SYNE2: variants seen among roughly 807,000 people sequenced by gnomAD.
SYNE2 encodes spectrin repeat containing nuclear envelope protein 2.
A neutral mutation model predicts 856.3 loss-of-function variants in SYNE2; 431 were observed. That is an observed-to-expected ratio of 0.50 (90% confidence interval 0.47 to 0.55). The LOEUF (loss-of-function observed/expected upper bound fraction) is 0.55, where lower values mean the gene tolerates loss of function less well. Among genes scored for constraint, SYNE2 ranks in the 20% least tolerant of loss-of-function variants. The probability of loss-of-function intolerance (pLI) is 0.00; values close to 1 mark genes in which losing one functional copy is unlikely to be tolerated. For synonymous variants in SYNE2, 2,923 were observed against 2,872.3 expected (o/e 1.02, Z -0.56); for missense variants, 8,129 against 8,023.2 (o/e 1.01, Z -0.50).
intron 1 of SYNE2, among the ~76,000 whole-genome samples, chr14:63,812,486 A>G (rs527450122): frequency 6.6e-6 from 1 of 152,326 alleles, no homozygotes; most frequent in African/African-American, 2.4e-5. Flanking sequence ...TCCTGAGGTG[A>G]TGTACATTCT....
At chr14:63,795,370 C>T (rs1887882804) in intron 1 of SYNE2, among the ~76,000 whole-genome samples, 1 of 152,134 alleles carries the variant, frequency 6.6e-6, no homozygotes, top group South Asian at 2.1e-4. Context: ...GTTTCCTGCC[C>T]TCAAATATCA....
chr14:63,969,688 C>T (rs1362120321), intron 11 of SYNE2, among the ~76,000 whole-genome samples: 1 of 151,954 alleles, frequency 6.6e-6, no homozygotes, highest in Non-Finnish European at 1.5e-5. Flanking sequence ...ATATGTACCA[C>T]GTTTTCTTTA....
intron 110 of SYNE2, 118 bp downstream of exon 110, chr14:64,219,528 G>T (rs1232602083): frequency 3.1e-6 from 3 of 980,240 alleles, no homozygotes; most frequent in African/African-American, 1.6e-5. Context: ...GATGGTGTAT[G>T]TAGAGGTCAC....
chr14:64,051,859 T>C lies in SYNE2; in HGVS notation c.7946T>C (p.Leu2649Pro). The C allele has an allele frequency of 6.2e-7, 1 of 1,614,060 alleles. No individual in the cohort carries two copies. Among genetic ancestry groups the C allele is most frequent in the Non-Finnish European group, 8.5e-7 (1 of 1,180,040 alleles). ...EISLQQQQQH[L>P]QLRLKSPEER... ...TCTCTGCAACAGCAGCAGCAACATC[T>C]ACAGTTAAGGCTGAAGTCTCCAGAA... Residue 2649 changes from leucine to proline, a missense_variant, in exon 48 of 116, where the codon CTA (leucine) becomes CCA (proline). Physicochemically the swap from Leu to Pro is moderately conservative, Grantham distance 98. This residue lies in a region of SYNE2 where 5,410 missense variants were observed against 5,284.8 expected (regional missense o/e 1.02). Transcript: ENST00000555002.
At chr14:63,974,835 CGTGTGTGTGTGTGTACAT>C (rs2096520950) in intron 11 of SYNE2, among the ~76,000 whole-genome samples, 1 of 113,098 alleles carries the variant, frequency 8.8e-6, no homozygotes, top group Non-Finnish European at 1.9e-5. Flanking sequence ...TGTATATAGA[CGTGTGTGTGTGTGTACAT>C]GTGTGTGTGT....
chr14:64,076,189 C>T (rs946967724), intron 54 of SYNE2, 89 bp downstream of exon 54: 13 of 1,449,168 alleles, frequency 9.0e-6, no homozygotes, highest in Non-Finnish European at 1.2e-5. Flanking sequence ...ATTCCATTTG[C>T]CAGGATTTCA....
intron 110 of SYNE2, 78 bp downstream of exon 110, chr14:64,219,488 C>T (rs2098684358): frequency 6.9e-7 from 1 of 1,453,256 alleles, no homozygotes; most frequent in Non-Finnish European, 9.6e-7. Flanking sequence ...GAGCAGATCC[C>T]ATGTATTCGT....
intron 1 of SYNE2, among the ~76,000 whole-genome samples, chr14:63,769,046 A>G (rs1886794515): frequency 6.6e-6 from 1 of 152,184 alleles, no homozygotes; most frequent in African/African-American, 2.4e-5. Flanking sequence ...AAGCCAGGGC[A>G]AGAGGATGGC....
intron 99 of SYNE2, among the ~76,000 whole-genome samples, chr14:64,201,475 T>G (rs955602320): frequency 6.6e-6 from 1 of 152,082 alleles, no homozygotes; most frequent in African/African-American, 2.4e-5. Flanking sequence ...CCTGTCCTGG[T>G]GGGTGCACAG....
intron 12 of SYNE2, 98 bp from the exon 13 acceptor site, chr14:63,977,807 T>C: frequency 2.3e-6 from 2 of 867,344 alleles, no homozygotes; most frequent in Non-Finnish European, 1.9e-6. Context: ...TTTATGATTT[T>C]TTTTTGAAAA....
At chr14:64,085,110 TC>T in intron 57 of SYNE2, 1 of 672,652 alleles carries the variant, frequency 1.5e-6, no homozygotes, top group Admixed American at 2.2e-5. Context: ...TCTTGCTCTG[TC>T]ACCCAGGCTG....
At chr14:63,828,369 G>A (rs1889542660) in intron 1 of SYNE2, among the ~76,000 whole-genome samples, 4 of 152,188 alleles carry the variant, frequency 2.6e-5, no homozygotes, top group Non-Finnish European at 1.5e-5. Flanking sequence ...GCCTGGTGAG[G>A]TGGTTCACAC....
chr14:63,935,799 A>C (rs2095823422), intron 2 of SYNE2, among the ~76,000 whole-genome samples: 1 of 152,212 alleles, frequency 6.6e-6, no homozygotes, highest in Non-Finnish European at 1.5e-5. Flanking sequence ...AGATCACTTC[A>C]GTCCAGGAGT....
At chr14:64,168,354 C>T (rs987475902) in intron 92 of SYNE2, among the ~76,000 whole-genome samples, 2 of 152,138 alleles carry the variant, frequency 1.3e-5, no homozygotes, top group Non-Finnish European at 2.9e-5. Context: ...CCGCCTGCCT[C>T]GGCCTCCCAA....
chr14:64,087,093 TAAA>T (rs56917782), intron 57 of SYNE2, among the ~76,000 whole-genome samples: 5 of 98,424 alleles, frequency 5.1e-5, no homozygotes, highest in African/African-American at 1.8e-4. Context: ...TGATAATTGG[TAAA>T]AAAAAAAAAA....
chr14:64,192,726 C>G (rs2139691514), intron 99 of SYNE2, among the ~76,000 whole-genome samples: 1 of 152,270 alleles, frequency 6.6e-6, no homozygotes, highest in East Asian at 1.9e-4. Flanking sequence ...AAGCAGCTTA[C>G]CCACAGTTAC....
chr14:64,041,993 C>T (rs1456273876), intron 45 of SYNE2, among the ~76,000 whole-genome samples: 1 of 152,142 alleles, frequency 6.6e-6, no homozygotes, highest in Non-Finnish European at 1.5e-5. Context: ...GTAATTTTTA[C>T]TCTACATAGA....
At chr14:64,018,236 C>A (rs1385319103) in intron 34 of SYNE2, among the ~76,000 whole-genome samples, 1 of 151,926 alleles carries the variant, frequency 6.6e-6, no homozygotes, top group Non-Finnish European at 1.5e-5. Context: ...GGTTACCAGA[C>A]TTTTTCTTTT....
chr14:64,080,069 G>A (rs578040642), intron 55 of SYNE2, among the ~76,000 whole-genome samples: 169 of 152,044 alleles, frequency 1.1e-3, no homozygotes, highest in African/African-American at 3.9e-3. Flanking sequence ...GTGTGTGCGC[G>A]TGCGTGTGTG....
Sources: gnomAD v4.1 joint callset for allele counts (sites outside exome capture counted in the v4.1 genomes callset) on GRCh38, gnomAD v4.1.1 for gene constraint, gnomAD v4.1.1 regional missense constraint, MANE v1.5 for transcripts, NCBI Gene and HGNC (gene_info 2026-07-23, HGNC 2026-07-21) for gene names.